The following AGPAT1 variants were observed in gnomAD, a reference collection of about 807,000 sequenced individuals.
AGPAT1 encodes the protein 1-acyl-sn-glycerol-3-phosphate acyltransferase alpha.
A neutral mutation model predicts 31.2 loss-of-function variants in AGPAT1; 6 were observed. The ratio of observed to expected loss-of-function variants is 0.19; its 90% CI spans 0.11 to 0.38. The LOEUF is 0.38. AGPAT1 is among the 10% of genes least tolerant of loss of function. The pLI, the probability that AGPAT1 is intolerant of heterozygous loss-of-function variation, is 1.00. For synonymous variants in AGPAT1, 139 were observed against 154.0 expected (o/e 0.90, Z 0.72); for missense variants, 187 against 377.8 (o/e 0.49, Z 4.19).
Position 32,175,936 on chromosome 6 carries a change from TG to T in AGPAT1, c.-133del. The T allele has an allele frequency of 4.1e-6, 4 of 985,654 alleles. No individual in the cohort carries two copies. Among genetic ancestry groups the T allele is most frequent in the Non-Finnish European group, 4.8e-6 (4 of 830,200 alleles). 61.1% of individuals were successfully genotyped at this position (985,654 alleles called of 1,614,324 possible). ...TCGGTGCCAAGGGGGCGACGGGATT[TG>T]GGGGTGTCCTAGCCCCGGCCGATGG... On this transcript the variant is annotated 5_prime_UTR_variant, in exon 1 of 7. Coordinates refer to ENST00000375107, the MANE Select transcript of AGPAT1 (RefSeq NM_006411.4). This position sits in a 1 kb window ranked among gnomAD's most constrained non-coding sequence, Gnocchi z 4.5.
In AGPAT1 at chr6:32,172,770, G is replaced by A. The variant is rs56222986; in HGVS notation, c.-9-1265C>T. 1.3e-5 allele frequency among the ~76,000 whole-genome samples: 2 copies of A among 152,184 alleles called. No individual in the cohort carries two copies. The highest frequency in any genetic ancestry group is 2.9e-5 in the Non-Finnish European group (2 of 68,030). ...CCAAATGGCAAGATTAAAAGTTCGT[G>A]TCACTAATGCCAACAGACACACAGT... On this transcript the variant is annotated intron_variant, in intron 1 of 6. Transcript: ENST00000375107. The surrounding 1 kb of genome is among the most constrained non-coding windows in gnomAD (Gnocchi z 4.3).
In AGPAT1 at chr6:32,176,028, A is replaced by AC; in HGVS notation, c.-225dup. ...AATGGTGGGGGGCTGTCCCCCCAGC[A>AC]CCCTCCCTCCCTCCCTTTCTGCTGT... is the stretch of plus-strand genomic sequence containing the variant. On this transcript the variant is annotated 5_prime_UTR_variant, in exon 1 of 7. Transcript: ENST00000375107. 96 of 846,984 alleles carry AC rather than the reference A, an allele frequency of 1.1e-4. No individual in the cohort carries two copies. Among genetic ancestry groups the AC allele is most frequent in the Non-Finnish European group, 1.2e-4 (88 of 705,482 alleles). The allele number at this position is 846,984 out of a possible 1,614,324, so 52.5% of individuals were successfully genotyped here. A position where few individuals can be genotyped will look rare whatever the true frequency, so the allele number is the denominator to read the frequency against.
chr6:32,169,466 C>T lies in AGPAT1; in HGVS notation c.680-18G>A, dbSNP rs776923750. 8.1e-6 allele frequency: 13 copies of T among 1,610,466 alleles called. No individual in the cohort carries two copies. Among genetic ancestry groups the T allele is most frequent in the Non-Finnish European group, 1.0e-5 (12 of 1,178,614 alleles). On this transcript the variant is annotated intron_variant, in intron 6 of 6. Transcript: ENST00000375107. The surrounding 1 kb of genome is among the most constrained non-coding windows in gnomAD (Gnocchi z 5.9). Reference sequence around the variant, plus strand: ...ACATTGTCCTGGGGCAAGGGGAGCACCATCATGGCCTGTCCACCCAGGTCT... The same window carrying T: ...ACATTGTCCTGGGGCAAGGGGAGCATCATCATGGCCTGTCCACCCAGGTCT...
rs1402042906 is a variant in AGPAT1, at chr6:32,169,789, C to A, written c.679+177G>T. 2 of 649,062 alleles carry A rather than the reference C, an allele frequency of 3.1e-6. No homozygotes were observed. The highest frequency in any genetic ancestry group is 5.4e-6 in the Non-Finnish European group (2 of 371,704). 40.2% of individuals were successfully genotyped at this position (649,062 alleles called of 1,614,324 possible). A position where few individuals can be genotyped will look rare whatever the true frequency, so the allele number is the denominator to read the frequency against. On this transcript the variant is annotated intron_variant, in intron 6 of 6. Transcript: ENST00000375107. The surrounding 1 kb of genome is among the most constrained non-coding windows in gnomAD (Gnocchi z 5.9). ...CCTCTCTTGGTGGGACCAAGTGCTACCCATCTGGCAGGGTATGGTGGGTGC... is the reference window on the plus strand; with the variant it reads ...CCTCTCTTGGTGGGACCAAGTGCTAACCATCTGGCAGGGTATGGTGGGTGC...
At position 32,170,118 on chromosome 6, in the gene AGPAT1, A is replaced by G. The variant is rs1784941708; in HGVS notation, c.606+47T>C. ...TAAGCCCCTGCCCAGAGATGAGGGA[A>G]TGGTGGGGGTTGGCAGCTGAGTAGC... On this transcript the variant is annotated intron_variant, in intron 5 of 6. Coordinates refer to ENST00000375107, the MANE Select transcript of AGPAT1 (RefSeq NM_006411.4). The surrounding 1 kb of genome is among the most constrained non-coding windows in gnomAD (Gnocchi z 7.7). 3 of 1,608,214 alleles carry G rather than the reference A, an allele frequency of 1.9e-6. No individual in the cohort carries two copies. Among genetic ancestry groups the G allele is most frequent in the African/African-American group, 2.7e-5 (2 of 74,896 alleles).
Position 32,170,121 on chromosome 6 carries a change from G to T in AGPAT1, c.606+44C>A. The T allele has an allele frequency of 6.2e-7, 1 of 1,611,434 alleles. No homozygotes were observed. The highest frequency in any genetic ancestry group is 8.5e-7 in the Non-Finnish European group (1 of 1,177,570). On this transcript the variant is annotated intron_variant, in intron 5 of 6. Coordinates refer to ENST00000375107, the MANE Select transcript of AGPAT1 (RefSeq NM_006411.4). This position sits in a 1 kb window ranked among gnomAD's most constrained non-coding sequence, Gnocchi z 7.7. ...GCCCCTGCCCAGAGATGAGGGAATG[G>T]TGGGGGTTGGCAGCTGAGTAGCAGA...
chr6:32,171,295 A>C lies in AGPAT1; in HGVS notation c.200+2T>G. 1 of 1,612,762 alleles carries C rather than the reference A, an allele frequency of 6.2e-7. No individual in the cohort carries two copies. Among genetic ancestry groups the C allele is most frequent in the Non-Finnish European group, 8.5e-7 (1 of 1,179,974 alleles). On this transcript the variant is annotated splice_donor_variant, in intron 2 of 6. Transcript: ENST00000375107. LOFTEE classifies it high-confidence loss of function. The surrounding 1 kb of genome is among the most constrained non-coding windows in gnomAD (Gnocchi z 6.9). ...CATTGCCCAAGACCCCTTGCCCCTC[A>C]CTTCATGTTCTCGACGTTGCGTCCT...
rs1784847804 is a variant in AGPAT1 at position 32,169,378 on chromosome 6, C to T, written c.750G>A (p.Leu250=). Residue 250 remains leucine (L), a synonymous_variant, in exon 7 of 7, where the codon CTG becomes CTA. Coordinates refer to ENST00000375107, the MANE Select transcript of AGPAT1 (RefSeq NM_006411.4). This position sits in a 1 kb window ranked among gnomAD's most constrained non-coding sequence, Gnocchi z 5.9. ...EGLTPDDVPA[L]ADRVRHSMLT... ...GCATGGAGTGCCGGACTCTGTCAGC[C>T]AGAGCTGGGACGTCATCTGGTGTCA... 1 of 1,612,922 alleles carries T rather than the reference C, an allele frequency of 6.2e-7. No homozygotes were observed. The highest frequency in any genetic ancestry group is 8.5e-7 in the Non-Finnish European group (1 of 1,179,976).
Position 32,171,171 on chromosome 6 carries a change from C to T in AGPAT1, c.201-101G>A. The stretch of plus-strand genomic sequence containing the variant: ...TGTCTTTCTGACCACCTTTGCAGTC[C>T]TCTCCCCATTCCCTGTCTCTGGTCT... On this transcript the variant is annotated intron_variant, in intron 2 of 6. Transcript: ENST00000375107. This position sits in a 1 kb window ranked among gnomAD's most constrained non-coding sequence, Gnocchi z 6.9. The T allele has an allele frequency of 1.3e-6, 2 of 1,588,612 alleles. No homozygotes were observed. Among genetic ancestry groups the T allele is most frequent in the Admixed American group, 3.4e-5 (2 of 59,176 alleles).
In AGPAT1 at chr6:32,175,514, G is replaced by A. The variant is rs1290389171; in HGVS notation, c.-10+300C>T. Among the ~76,000 whole-genome samples, 1 of 152,084 alleles carries A rather than the reference G, an allele frequency of 6.6e-6. No individual in the cohort carries two copies. Among genetic ancestry groups the A allele is most frequent in the Non-Finnish European group, 1.5e-5 (1 of 67,984 alleles). The stretch of plus-strand genomic sequence containing the variant: ...TTCAAGAGTCATGTGGGGTCAAAGG[G>A]CAAGAAAAGGAATTGGGGAAGGTGT... On this transcript the variant is annotated intron_variant, in intron 1 of 6. Transcript: ENST00000375107. This position sits in a 1 kb window ranked among gnomAD's most constrained non-coding sequence, Gnocchi z 4.5.
At position 32,171,485 on chromosome 6, in the gene AGPAT1, C is replaced by G; in HGVS notation, c.12G>C (p.Trp4Cys). 6.3e-7 allele frequency: 1 copy of G among 1,593,812 alleles called. No individual in the cohort carries two copies. The highest frequency in any genetic ancestry group is 1.8e-5 in the Admixed American group (1 of 55,826). The change falls in exon 2 of 7, where the codon TGG (tryptophan) becomes TGC (cysteine). Residue 4 changes from tryptophan (W) to cysteine (C), a missense_variant. By Grantham distance (215) the Trp-to-Cys change is radical. Transcript: ENST00000375107. The surrounding 1 kb of genome is among the most constrained non-coding windows in gnomAD (Gnocchi z 6.9). ...GCAGCAGCAGCATCCATGCCCCTGG[C>G]CACAAATCCATTCTGGCCACCTGCA... The part of the protein sequence containing the change: MDL[W>C]PGAWMLLLLL...
Position 32,170,454 on chromosome 6 carries a change from C to G in AGPAT1, c.481G>C (p.Glu161Gln), listed in dbSNP as rs1042001103. Reference sequence around the variant, plus strand: ...TGGGTGAGCAGGGTCTGGGCGACCTCAGACATGACACTGATGGCATCCCCC... The same window carrying G: ...TGGGTGAGCAGGGTCTGGGCGACCTGAGACATGACACTGATGGCATCCCCC... ...RTGDAISVMSEVAQTLLTQDV... is the reference protein window; with the variant it reads ...RTGDAISVMSQVAQTLLTQDV... Residue 161 changes from glutamate (E) to glutamine (Q), a missense_variant, in exon 4 of 7, where the codon GAG (glutamate) becomes CAG (glutamine). Transcript: ENST00000375107. This position sits in a 1 kb window ranked among gnomAD's most constrained non-coding sequence, Gnocchi z 7.7. 6.2e-7 allele frequency: 1 copy of G among 1,613,098 alleles called. No homozygotes were observed. The highest frequency in any genetic ancestry group is 1.3e-5 in the African/African-American group (1 of 74,934).
rs1379700452 is a variant in AGPAT1 at position 32,175,601 on chromosome 6, C to T, written c.-10+213G>A. ...CCAGTCCCAAATTCACAAGGGTTTCCATTTCTCCTCCCTCCCAGGTCTCTT... is the reference window on the plus strand; with the variant it reads ...CCAGTCCCAAATTCACAAGGGTTTCTATTTCTCCTCCCTCCCAGGTCTCTT... On this transcript the variant is annotated intron_variant, in intron 1 of 6. Transcript: ENST00000375107. The surrounding 1 kb of genome is among the most constrained non-coding windows in gnomAD (Gnocchi z 4.5). 6.6e-6 allele frequency among the ~76,000 whole-genome samples: 1 copy of T among 152,092 alleles called. No homozygotes were observed. Among genetic ancestry groups the T allele is most frequent in the Non-Finnish European group, 1.5e-5 (1 of 68,008 alleles).
Position 32,171,355 on chromosome 6 carries a change from G to C in AGPAT1, c.142C>G (p.Leu48Val). Residue 48 changes from leucine to valine, a missense_variant, in exon 2 of 7, where the codon CTG becomes GTG. By Grantham distance (32) the Leu-to-Val change is conservative (BLOSUM62 1). Coordinates refer to ENST00000375107, the MANE Select transcript of AGPAT1 (RefSeq NM_006411.4). This position sits in a 1 kb window ranked among gnomAD's most constrained non-coding sequence, Gnocchi z 6.9. Reference protein sequence around the residue: ...MAFYNGWILFLAVLAIPVCAV... With the variant: ...MAFYNGWILFVAVLAIPVCAV... The stretch of plus-strand genomic sequence containing the variant: ...CACACAGGGATGGCGAGCACAGCCA[G>C]GAAGAGGATCCAGCCATTGTAGAAG... 6.2e-7 allele frequency: 1 copy of C among 1,613,172 alleles called. No homozygotes were observed. Among genetic ancestry groups the C allele is most frequent in the Non-Finnish European group, 8.5e-7 (1 of 1,180,048 alleles).
rs1432408008 is a variant in AGPAT1 at position 32,171,562 on chromosome 6, G to A, written c.-9-57C>T. On this transcript the variant is annotated intron_variant, in intron 1 of 6. Transcript: ENST00000375107. This position sits in a 1 kb window ranked among gnomAD's most constrained non-coding sequence, Gnocchi z 6.9. ...TGGTTTCTGGAGGAGAGTGGGGTAG[G>A]CAAGGCACAGAAGGCAGGGCTGGGG... 4 of 1,533,050 alleles carry A rather than the reference G, an allele frequency of 2.6e-6. No homozygotes were observed. Among genetic ancestry groups the A allele is most frequent in the Admixed American group, 2.0e-5 (1 of 50,986 alleles). The allele number at this position is 1,533,050 out of a possible 1,614,324, so 95.0% of individuals were successfully genotyped here. A position where few individuals can be genotyped will look rare whatever the true frequency, so the allele number is the denominator to read the frequency against.
At position 32,175,814 on chromosome 6, in the gene AGPAT1, C is replaced by T; in HGVS notation, c.-10G>A. The T allele has an allele frequency of 1.0e-6, 1 of 985,866 alleles. No homozygotes were observed. The highest frequency in any genetic ancestry group is 1.2e-6 in the Non-Finnish European group (1 of 830,214). 61.1% of individuals were successfully genotyped at this position (985,866 alleles called of 1,614,324 possible). A position where few individuals can be genotyped will look rare whatever the true frequency, so the allele number is the denominator to read the frequency against. ...CCTCCCATCCCTTTCCCGCCCACAC[C>T]TCAGAGGGGTAGGGGGCCTGGGGGG... is the stretch of plus-strand genomic sequence containing the variant. On this transcript the variant is annotated splice_region_variant and 5_prime_UTR_variant, in exon 1 of 7. Transcript: ENST00000375107. This position sits in a 1 kb window ranked among gnomAD's most constrained non-coding sequence, Gnocchi z 4.5.
Position 32,171,245 on chromosome 6 carries a change from C to T in AGPAT1, c.200+52G>A. ...CATGCCCCCTTCCCCCAATCCACTA[C>T]TCACTTTGTACCCTTAGGTTCCCTC... On this transcript the variant is annotated intron_variant, in intron 2 of 6. Coordinates refer to ENST00000375107, the MANE Select transcript of AGPAT1 (RefSeq NM_006411.4). This position sits in a 1 kb window ranked among gnomAD's most constrained non-coding sequence, Gnocchi z 6.9. The T allele has an allele frequency of 6.2e-7, 1 of 1,612,590 alleles. No individual in the cohort carries two copies. The highest frequency in any genetic ancestry group is 8.5e-7 in the Non-Finnish European group (1 of 1,179,688).
chr6:32,173,242 C>T lies in AGPAT1; in HGVS notation c.-9-1737G>A, dbSNP rs1482032918. On this transcript the variant is annotated intron_variant, in intron 1 of 6. Transcript: ENST00000375107. The surrounding 1 kb of genome is among the most constrained non-coding windows in gnomAD (Gnocchi z 4.7). ...AAAGGGTGTTCAGGCAAATACCTGT[C>T]ATTCCTACTGAGGCCACAGGCACTG... 1.3e-5 allele frequency: 2 copies of T among 152,238 alleles called. No individual in the cohort carries two copies. Among genetic ancestry groups the T allele is most frequent in the East Asian group, 3.9e-4 (2 of 5,190 alleles). 9.4% of individuals were successfully genotyped at this position (152,238 alleles called of 1,614,324 possible). A position where few individuals can be genotyped will look rare whatever the true frequency, so the allele number is the denominator to read the frequency against.
In AGPAT1 at chr6:32,175,969, G is replaced by GGTGGGA; in HGVS notation, c.-171_-166dup. ...TCCTAGCCCCGGCCGATGGAGGGGA[G>GGTGGGA]GTGGGAGTGGGAGGTTGGGCCCATA... On this transcript the variant is annotated 5_prime_UTR_variant, in exon 1 of 7. Transcript: ENST00000375107. This position sits in a 1 kb window ranked among gnomAD's most constrained non-coding sequence, Gnocchi z 4.5. 1 of 985,640 alleles carries GGTGGGA rather than the reference G, an allele frequency of 1.0e-6. No homozygotes were observed. Among genetic ancestry groups the GGTGGGA allele is most frequent in the Non-Finnish European group, 1.2e-6 (1 of 830,112 alleles). The allele number at this position is 985,640 out of a possible 1,614,324, so 61.1% of individuals were successfully genotyped here. A position where few individuals can be genotyped will look rare whatever the true frequency, so the allele number is the denominator to read the frequency against.
Sources: gnomAD v4.1 joint callset for allele counts (sites outside exome capture counted in the v4.1 genomes callset) on GRCh38, gnomAD v4.1.1 for gene constraint, Gnocchi (gnomAD v3.1) non-coding constraint, MANE v1.5 for transcripts, NCBI Gene and HGNC (gene_info 2026-07-23, HGNC 2026-07-21) for gene names.